Variants in DERL1 observed in about 807,000 individuals in gnomAD.
The protein encoded by DERL1 is derlin-1.
Under a neutral mutation model 41.6 loss-of-function variants are expected in DERL1, and 24 were observed. The ratio of observed to expected loss-of-function variants is 0.58; its 90% CI spans 0.42 to 0.81. DERL1 has a LOEUF of 0.81. Ranked by LOEUF, DERL1 falls within the 30% of genes least tolerant of loss-of-function variation. The pLI, the probability that DERL1 is intolerant of heterozygous loss-of-function variation, is 0.00. For synonymous variants in DERL1, 124 were observed against 112.5 expected, an observed-to-expected ratio of 1.10 and a Z score of -0.65; for missense variants, 260 against 314.3, an observed-to-expected ratio of 0.83 and a Z score of 1.31.
intron 2 of DERL1, among the ~76,000 whole-genome samples, chr8:123,029,585 G>C (rs1812776504): frequency 6.6e-6 from 1 of 152,164 alleles, no homozygotes; most frequent in Non-Finnish European, 1.5e-5. Context: ...AGTCTCTGAA[G>C]TCAGTCAGCC....
intron 4 of DERL1, 45 bp from the exon 5 acceptor site, chr8:123,022,824 TAAA>T (rs1309246241): frequency 1.3e-6 from 2 of 1,537,426 alleles, no homozygotes; most frequent in Non-Finnish European, 1.8e-6. Flanking sequence ...CAGAGGCACT[TAAA>T]AAAGGTGTAC....
chr8:123,037,149 A>AT (rs145904923), intron 1 of DERL1, among the ~76,000 whole-genome samples: 1 of 151,922 alleles, frequency 6.6e-6, no homozygotes, highest in African/African-American at 2.4e-5. Context: ...ATTGGCAACT[A>AT]TTTTTTTTCC....
intron 2 of DERL1, chr8:123,030,245 C>A: frequency 5.8e-6 from 1 of 172,046 alleles, no homozygotes; most frequent in African/African-American, 2.4e-5. Flanking sequence ...ATATATACTC[C>A]AGCCCAATTC....
At chr8:123,037,392 A>C (rs2130495611) in intron 1 of DERL1, among the ~76,000 whole-genome samples, 1 of 152,318 alleles carries the variant, frequency 6.6e-6, no homozygotes, top group Admixed American at 6.5e-5. Flanking sequence ...AGTTGCATTA[A>C]ATTGATGGTG....
In DERL1 at chr8:123,019,172, T is replaced by G. The variant is rs372216708; in HGVS notation, c.617+23A>C. 1.1e-4 allele frequency: 167 copies of G among 1,494,642 alleles called. No homozygotes were observed. In the African/African-American group the frequency reaches 2.0e-3, roughly 18 times the overall value. The allele number at this position is 1,494,642 out of a possible 1,614,324, so 92.6% of individuals were successfully genotyped here. On this transcript the variant is annotated intron_variant, in intron 7 of 7. Coordinates refer to ENST00000259512, the MANE Select transcript of DERL1 (RefSeq NM_024295.6). Reference sequence around the variant, plus strand: ...AGAACACAGGCAGTAAAATGTTAGATGAGACAGGACAAAAACACTTACAAA... The same window carrying G: ...AGAACACAGGCAGTAAAATGTTAGAGGAGACAGGACAAAAACACTTACAAA...
intron 5 of DERL1, 146 bp from the exon 6 acceptor site, chr8:123,021,645 C>G: frequency 2.8e-6 from 2 of 708,426 alleles, no homozygotes; most frequent in Non-Finnish European, 5.0e-6. Flanking sequence ...TAGGATCAAT[C>G]TAGCATTATT....
At position 123,021,030 on chromosome 8, in the gene DERL1, A is replaced by G. The variant is rs1657042754; in HGVS notation, c.506+417T>C. 3.3e-5 allele frequency among the ~76,000 whole-genome samples: 5 copies of G among 152,194 alleles called. No homozygotes were observed. In the South Asian group the frequency reaches 1.0e-3, roughly 32 times the overall value. ...TTGCAAAATTATATCCTATCTAAGA[A>G]TCTGGATTTCTATGACCGATAGGCA... On this transcript the variant is annotated intron_variant, in intron 6 of 7. Transcript: ENST00000259512.
intron 2 of DERL1, among the ~76,000 whole-genome samples, chr8:123,026,526 T>C (rs940670219): frequency 2.6e-5 from 4 of 152,150 alleles, no homozygotes; most frequent in Non-Finnish European, 5.9e-5. Context: ...GGCAGGAAAA[T>C]GTGCAGGTGG....
At position 123,014,885 on chromosome 8, in the gene DERL1, CT is replaced by C. The variant is rs1426349426; in HGVS notation, c.*561del. The C allele has an allele frequency of 6.6e-6, 1 of 152,252 alleles. No individual in the cohort carries two copies. Among genetic ancestry groups the C allele is most frequent in the African/African-American group, 2.4e-5 (1 of 41,458 alleles). The allele number at this position is 152,252 out of a possible 1,614,324, so 9.4% of individuals were successfully genotyped here. ...AGCTGAGAAAACGCTTCATCCGCTG[CT>C]TGTCTTCTCCCCCTATTGCTACAGT... On this transcript the variant is annotated 3_prime_UTR_variant, in exon 8 of 8. Coordinates refer to ENST00000259512, the MANE Select transcript of DERL1 (RefSeq NM_024295.6).
rs1159196975 is a variant in DERL1, at chr8:123,024,968, TCA to T, written c.330+16_330+17del. On this transcript the variant is annotated intron_variant, in intron 3 of 7. Coordinates refer to ENST00000259512, the MANE Select transcript of DERL1 (RefSeq NM_024295.6). ...AAACTGGTTTATTTCTGGCCCAAAA[TCA>T]CAGACTGAAGGATACCACGATGCAA... 1.2e-6 allele frequency: 2 copies of T among 1,609,650 alleles called. No homozygotes were observed. The highest frequency in any genetic ancestry group is 3.4e-5 in the Admixed American group (2 of 59,468).
rs572718645 is a variant in DERL1, at chr8:123,041,441, C to T, written c.153+529G>A. Among the ~76,000 whole-genome samples, 18 of 152,302 alleles carry T rather than the reference C, an allele frequency of 1.2e-4. No individual in the cohort carries two copies. The South Asian group carries it at 3.1e-3, about 26-fold the overall frequency. ...ACATTCTATTACTACGTGGGGGACA[C>T]TAAATTAGGTCTAGAGGGAAATGCA... On this transcript the variant is annotated intron_variant, in intron 1 of 7. Coordinates refer to ENST00000259512, the MANE Select transcript of DERL1 (RefSeq NM_024295.6).
rs1812617936 is a variant in DERL1 at position 123,023,702 on chromosome 8, T to C, written c.357+11A>G. ...TAAAAGGGCAAATAGATAGTTTAAA[T>C]GGACACTTACCTGCATATCCATTGC... On this transcript the variant is annotated intron_variant, in intron 4 of 7. Transcript: ENST00000259512. 1 of 1,605,204 alleles carries C rather than the reference T, an allele frequency of 6.2e-7. No homozygotes were observed. The highest frequency in any genetic ancestry group is 1.7e-5 in the Admixed American group (1 of 58,850).
Position 123,013,753 on chromosome 8 carries a change from G to C in DERL1, c.*1694C>G, listed in dbSNP as rs1814478725. 1.3e-5 allele frequency: 2 copies of C among 152,186 alleles called. No homozygotes were observed. Among genetic ancestry groups the C allele is most frequent in the South Asian group, 4.1e-4 (2 of 4,832 alleles). 9.4% of individuals were successfully genotyped at this position (152,186 alleles called of 1,614,324 possible). On this transcript the variant is annotated 3_prime_UTR_variant, in exon 8 of 8. Transcript: ENST00000259512. ...CAATGAGTCTCCACGCCTGTACAATGAGTGTACGTGCAACATAATTGGAGT... is the reference window on the plus strand; with the variant it reads ...CAATGAGTCTCCACGCCTGTACAATCAGTGTACGTGCAACATAATTGGAGT...
intron 1 of DERL1, among the ~76,000 whole-genome samples, chr8:123,033,636 G>A (rs985790188): frequency 3.9e-5 from 6 of 152,098 alleles, no homozygotes; most frequent in African/African-American, 1.2e-4. Flanking sequence ...CCAGCTACTC[G>A]GGAGGCTGAG....
In DERL1 at chr8:123,013,662, A is replaced by G. The variant is rs1028790189; in HGVS notation, c.*1785T>C. Reference sequence around the variant, plus strand: ...TAGGAAAAAATGACTGCTCGCAGGCAGCTGACTGGTAAGAGGGTACACCAG... The same window carrying G: ...TAGGAAAAAATGACTGCTCGCAGGCGGCTGACTGGTAAGAGGGTACACCAG... On this transcript the variant is annotated 3_prime_UTR_variant, in exon 8 of 8. Transcript: ENST00000259512. The G allele has an allele frequency of 6.6e-5, 10 of 152,252 alleles. No individual in the cohort carries two copies. Among genetic ancestry groups the G allele is most frequent in the African/African-American group, 2.4e-4 (10 of 41,464 alleles). The allele number at this position is 152,252 out of a possible 1,614,324, so 9.4% of individuals were successfully genotyped here. A position where few individuals can be genotyped will look rare whatever the true frequency, so the allele number is the denominator to read the frequency against.
At chr8:123,020,233 A>G (rs1254457233) in intron 6 of DERL1, among the ~76,000 whole-genome samples, 5 of 152,236 alleles carry the variant, frequency 3.3e-5, no homozygotes, top group Non-Finnish European at 7.3e-5. Flanking sequence ...CAATCCCAGC[A>G]CTTTGGGAGG....
At chr8:123,019,527 C>A (rs558188702) in intron 6 of DERL1, among the ~76,000 whole-genome samples, 2 of 152,276 alleles carry the variant, frequency 1.3e-5, no homozygotes, top group East Asian at 3.9e-4. Flanking sequence ...CTCTTCAAGG[C>A]CAGCAGCCCC....
intron 1 of DERL1, 24 bp downstream of exon 1, chr8:123,041,946 A>AC (rs1563638095): frequency 1.3e-6 from 2 of 1,586,742 alleles, no homozygotes; most frequent in South Asian, 2.3e-5. Context: ...TGTAGTCTCC[A>AC]CGCCCCCCGT....
chr8:123,038,129 A>G lies in DERL1; in HGVS notation c.153+3841T>C, dbSNP rs73711629. The stretch of plus-strand genomic sequence containing the variant: ...AGCGTTCTAAACCAACAAGCTACAC[A>G]CAAGAATCTAGAGCTGAGGAGGAAA... On this transcript the variant is annotated intron_variant, in intron 1 of 7. Coordinates refer to ENST00000259512, the MANE Select transcript of DERL1 (RefSeq NM_024295.6). 9.7e-3 allele frequency among the ~76,000 whole-genome samples: 1,470 copies of G among 152,328 alleles called. 13 individuals are homozygous for G. Among genetic ancestry groups the G allele is most frequent in the African/African-American group, 0.034 (1,403 of 41,574 alleles).
Sources: allele counts gnomAD v4.1 joint callset (sites outside exome capture counted in the v4.1 genomes callset), GRCh38; gene constraint gnomAD v4.1.1; transcripts MANE v1.5; gene names NCBI Gene and HGNC (gene_info 2026-07-23, HGNC 2026-07-21).